Variants in GRM7 observed in about 807,000 individuals in gnomAD.
GRM7 encodes the protein metabotropic glutamate receptor 7.
GRM7 carries 35 observed loss-of-function variants against 84.5 expected under a neutral mutation model. The ratio of observed to expected loss-of-function variants is 0.41; its 90% CI spans 0.32 to 0.55. The LOEUF is 0.55. Among genes scored for constraint, GRM7 ranks in the 20% least tolerant of loss-of-function variants. The pLI, the probability that GRM7 is intolerant of heterozygous loss-of-function variation, is 0.19. For missense variants in GRM7, 1,003 were observed against 1,194.6 expected (o/e 0.84, Z 2.36); for synonymous variants, 487 against 455.1 (o/e 1.07, Z -0.89).
chr3:7,075,469 C>T (rs1215242958), intron 1 of GRM7, among the ~76,000 whole-genome samples: 1 of 150,598 alleles, frequency 6.6e-6, no homozygotes, highest in Non-Finnish European at 1.5e-5. Flanking sequence ...CAACTCTTTT[C>T]ACTATCCAAA....
chr3:7,584,852 G>T (rs530606290), intron 8 of GRM7, among the ~76,000 whole-genome samples: 1 of 152,054 alleles, frequency 6.6e-6, no homozygotes, highest in Non-Finnish European at 1.5e-5. Flanking sequence ...TTCAAAATTT[G>T]TTTAATTTAG....
chr3:7,473,041 C>T (rs892712517), intron 7 of GRM7, among the ~76,000 whole-genome samples: 40 of 152,128 alleles, frequency 2.6e-4, no homozygotes, highest in African/African-American at 9.4e-4. Flanking sequence ...TCTCTGGCTG[C>T]GAAAGGCAAT....
chr3:7,201,238 A>G (rs952843219), intron 2 of GRM7, among the ~76,000 whole-genome samples: 2 of 152,056 alleles, frequency 1.3e-5, no homozygotes, highest in Non-Finnish European at 2.9e-5. Flanking sequence ...CAAACATTTT[A>G]GAATATTGAG....
intron 8 of GRM7, among the ~76,000 whole-genome samples, chr3:7,594,119 T>A (rs993278625): frequency 6.6e-6 from 1 of 152,164 alleles, no homozygotes; most frequent in South Asian, 2.1e-4. Context: ...TCTTTCCTCC[T>A]TTCTTCTGAA....
intron 1 of GRM7, among the ~76,000 whole-genome samples, chr3:6,972,690 A>G (rs768842826): frequency 6.6e-6 from 1 of 152,194 alleles, no homozygotes; most frequent in Non-Finnish European, 1.5e-5. Flanking sequence ...TGCCAGGCCA[A>G]TGGAGAGCTC....
At chr3:7,227,509 A>G (rs929573484) in intron 2 of GRM7, among the ~76,000 whole-genome samples, 27 of 152,182 alleles carry the variant, frequency 1.8e-4, no homozygotes, top group African/African-American at 5.1e-4. Flanking sequence ...TTTTCAGTAC[A>G]TCTTTGCACA....
intron 9 of GRM7, among the ~76,000 whole-genome samples, chr3:7,690,303 C>T (rs1349543609): frequency 6.6e-6 from 1 of 152,016 alleles, no homozygotes; most frequent in Non-Finnish European, 1.5e-5. Context: ...GAATGAGTAG[C>T]GCACAATACT....
chr3:7,526,740 G>C lies in GRM7; in HGVS notation c.1516-51682G>C, dbSNP rs562888933. On this transcript the variant is annotated intron_variant, in intron 7 of 9. Coordinates refer to ENST00000357716, the MANE Select transcript of GRM7 (RefSeq NM_000844.4). The stretch of plus-strand genomic sequence containing the variant: ...TAGAGGTCTAGTTTTATGCTCCTGC[G>C]TATGGTTAGGTAATTTTCTCAGCAC... Among the ~76,000 whole-genome samples, 4 of 151,736 alleles carry C rather than the reference G, an allele frequency of 2.6e-5. No homozygotes were observed. The East Asian group carries it at 7.7e-4, about 29-fold the overall frequency.
At chr3:7,569,821 C>T (rs1341982585) in intron 7 of GRM7, among the ~76,000 whole-genome samples, 2 of 152,080 alleles carry the variant, frequency 1.3e-5, no homozygotes, top group East Asian at 3.9e-4. Context: ...GACCACAAAC[C>T]CCACCAGAAG....
intron 7 of GRM7, among the ~76,000 whole-genome samples, chr3:7,501,212 C>T (rs1175824161): frequency 6.6e-6 from 1 of 152,118 alleles, no homozygotes; most frequent in Admixed American, 6.6e-5. Flanking sequence ...TATCATTATC[C>T]TCATTTCAGA....
At chr3:6,968,453 A>C (rs1693615523) in intron 1 of GRM7, among the ~76,000 whole-genome samples, 2 of 152,210 alleles carry the variant, frequency 1.3e-5, no homozygotes, top group South Asian at 4.1e-4. Flanking sequence ...ACATAATTCA[A>C]CACATGACAG....
chr3:7,079,322 A>G (rs1029804132), intron 1 of GRM7, among the ~76,000 whole-genome samples: 2 of 152,126 alleles, frequency 1.3e-5, no homozygotes, highest in African/African-American at 2.4e-5. Flanking sequence ...AATGAGAATA[A>G]TGCTGGTTCT....
chr3:7,344,873 T>C (rs1247793182), intron 4 of GRM7, among the ~76,000 whole-genome samples: 1 of 152,138 alleles, frequency 6.6e-6, no homozygotes, highest in Non-Finnish European at 1.5e-5. Flanking sequence ...AGGGTTACTG[T>C]AGTTAACAAT....
At chr3:7,712,054 T>TA (rs1299767518) in intron 9 of GRM7, among the ~76,000 whole-genome samples, 3 of 152,212 alleles carry the variant, frequency 2.0e-5, no homozygotes, top group Non-Finnish European at 4.4e-5. Context: ...GTCTTTGACT[T>TA]ATGAGCACTC....
intron 1 of GRM7, among the ~76,000 whole-genome samples, chr3:6,997,213 G>A (rs1046464841): frequency 8.6e-5 from 13 of 151,496 alleles, no homozygotes; most frequent in African/African-American, 3.2e-4. Flanking sequence ...TATTTTCTTG[G>A]TCAGGTGCCA....
intron 4 of GRM7, among the ~76,000 whole-genome samples, chr3:7,349,322 C>A (rs1439421203): frequency 2.0e-5 from 3 of 152,094 alleles, no homozygotes; most frequent in Non-Finnish European, 4.4e-5. Flanking sequence ...GTTGCTGTAA[C>A]ATGTCAGCTT....
chr3:6,921,699 T>C (rs1017847348), intron 1 of GRM7, among the ~76,000 whole-genome samples: 1 of 152,108 alleles, frequency 6.6e-6, no homozygotes, highest in Admixed American at 6.6e-5. Context: ...AAATGGGTGT[T>C]GAAGGTTCCT....
chr3:7,437,180 TTATTTCCTATTTTTAAAAGA>T (rs1199539949), intron 5 of GRM7, among the ~76,000 whole-genome samples: 1 of 152,216 alleles, frequency 6.6e-6, no homozygotes, highest in East Asian at 1.9e-4. Flanking sequence ...CTTTAAGCTT[TTATTTCCTATTTTTAAAAGA>T]GTGAGATAGT....
intron 1 of GRM7, among the ~76,000 whole-genome samples, chr3:6,873,976 G>T (rs902318510): frequency 1.2e-4 from 18 of 152,212 alleles, no homozygotes; most frequent in African/African-American, 3.9e-4. Context: ...TGGGCAAAAT[G>T]CTTAATTATA....
Sources: gnomAD v4.1 joint callset for allele counts (sites outside exome capture counted in the v4.1 genomes callset) on GRCh38, gnomAD v4.1.1 for gene constraint, MANE v1.5 for transcripts, NCBI Gene and HGNC (gene_info 2026-07-23, HGNC 2026-07-21) for gene names.